Variants in PRDM16 observed in about 807,000 individuals in gnomAD.
PRDM16 encodes PR/SET domain 16.
PRDM16 carries 23 observed loss-of-function variants against 110.6 expected under a neutral mutation model. That is an observed-to-expected ratio of 0.21 (90% CI 0.15 to 0.29). The LOEUF (loss-of-function observed/expected upper bound fraction) is 0.29. Ranked by LOEUF, PRDM16 falls within the 10% of genes least tolerant of loss-of-function variation. The pLI, the probability that PRDM16 is intolerant of heterozygous loss-of-function variation, is 1.00. For synonymous variants in PRDM16, 799 were observed against 781.8 expected, an observed-to-expected ratio of 1.02 and a Z score of -0.37; for missense variants, 1,615 against 1,794.3, an observed-to-expected ratio of 0.90 and a Z score of 1.81.
intron 3 of PRDM16, among the ~76,000 whole-genome samples, chr1:3,298,630 A>G (rs72632171): frequency 0.02 from 3,023 of 152,080 alleles, 51 homozygotes; most frequent in Non-Finnish European, 0.031. Context: ...ACACCCTTCC[A>G]GTCTTAGCTA....
chr1:3,435,555 G>C lies in PRDM16; in HGVS notation c.*1744G>C. 1 of 232,180 alleles carries C rather than the reference G, an allele frequency of 4.3e-6. No individual in the cohort carries two copies. The highest frequency in any genetic ancestry group is 8.5e-6 in the Non-Finnish European group (1 of 117,462). The allele number at this position is 232,180 out of a possible 1,614,324, so 14.4% of individuals were successfully genotyped here. A position where few individuals can be genotyped will look rare whatever the true frequency, so the allele number is the denominator to read the frequency against. On this transcript the variant is annotated 3_prime_UTR_variant, in exon 17 of 17. Coordinates refer to ENST00000270722, the MANE Select transcript of PRDM16 (RefSeq NM_022114.4). Reference sequence around the variant, plus strand: ...TTGTTTGGAAGAAAAAATGATGATAGAGTCCCAAAAAGAAGAGAAAAAAAA... The same window carrying C: ...TTGTTTGGAAGAAAAAATGATGATACAGTCCCAAAAAGAAGAGAAAAAAAA...
At chr1:3,241,155 C>T (rs1275886430) in intron 2 of PRDM16, among the ~76,000 whole-genome samples, 2 of 152,256 alleles carry the variant, frequency 1.3e-5, no homozygotes, top group Admixed American at 6.5e-5. Context: ...GTGTTCCCAA[C>T]TGCCCAGGCG....
intron 3 of PRDM16, among the ~76,000 whole-genome samples, chr1:3,320,186 A>T (rs2100450098): frequency 6.6e-6 from 1 of 152,310 alleles, no homozygotes; most frequent in East Asian, 1.9e-4. Flanking sequence ...ACATGTGCCA[A>T]ATTATAAGAC....
At chr1:3,172,122 G>C (rs1644032591) in intron 1 of PRDM16, among the ~76,000 whole-genome samples, 1 of 152,192 alleles carries the variant, frequency 6.6e-6, no homozygotes, top group East Asian at 1.9e-4. Context: ...AATCAGGGTG[G>C]AGAAGGAGTT....
chr1:3,091,771 A>G (rs866234777), intron 1 of PRDM16, among the ~76,000 whole-genome samples: 5 of 152,258 alleles, frequency 3.3e-5, no homozygotes, highest in Middle Eastern at 3.4e-3. Flanking sequence ...CTCGGGGTGT[A>G]GCCAGCTGCT....
intron 3 of PRDM16, among the ~76,000 whole-genome samples, chr1:3,351,418 A>G (rs148942782): frequency 2.0e-5 from 3 of 150,744 alleles, no homozygotes; most frequent in Admixed American, 1.3e-4. Flanking sequence ...ACCCGTCTCT[A>G]TAGGAACGCA....
chr1:3,280,061 A>C lies in PRDM16; in HGVS notation c.438+35924A>C, dbSNP rs532728436. ...AAAACAAGCAGGGTGAAAAAAAAAA[A>C]ACATTTAAATAAGAAAGTCAGAATT... is the stretch of plus-strand genomic sequence containing the variant. On this transcript the variant is annotated intron_variant, in intron 3 of 16. Coordinates refer to ENST00000270722, the MANE Select transcript of PRDM16 (RefSeq NM_022114.4). Among the ~76,000 whole-genome samples the C allele has an allele frequency of 5.9e-5, 9 of 152,270 alleles. No homozygotes were observed. The South Asian group carries it at 1.7e-3, about 28-fold the overall frequency.
At chr1:3,271,052 TCC>T (rs566915994) in intron 3 of PRDM16, among the ~76,000 whole-genome samples, 112 of 152,250 alleles carry the variant, frequency 7.4e-4, no homozygotes, top group African/African-American at 2.6e-3. Flanking sequence ...CTCCTCCCAG[TCC>T]CGGCTGTGGC....
chr1:3,305,025 G>A (rs1194299521), intron 3 of PRDM16, among the ~76,000 whole-genome samples: 1 of 152,200 alleles, frequency 6.6e-6, no homozygotes, highest in Non-Finnish European at 1.5e-5. Flanking sequence ...CGAGTGAACT[G>A]TGTTGAGAAA....
At chr1:3,079,044 C>T (rs1001954700) in intron 1 of PRDM16, among the ~76,000 whole-genome samples, 2 of 152,240 alleles carry the variant, frequency 1.3e-5, no homozygotes, top group East Asian at 1.9e-4. Context: ...TGGCTGCGGT[C>T]CTCCCCGGGC....
intron 3 of PRDM16, among the ~76,000 whole-genome samples, chr1:3,321,293 CAT>C (rs1257240443): frequency 7.2e-5 from 11 of 152,098 alleles, no homozygotes; most frequent in East Asian, 1.9e-4. Flanking sequence ...TGGCAGTACA[CAT>C]ATGTGAGTGT....
intron 1 of PRDM16, among the ~76,000 whole-genome samples, chr1:3,135,174 G>T (rs1643411595): frequency 6.6e-6 from 1 of 152,192 alleles, no homozygotes; most frequent in South Asian, 2.1e-4. Flanking sequence ...GTCCAGCCTG[G>T]TCCCCACCAG....
intron 13 of PRDM16, 31 bp from the exon 14 acceptor site, chr1:3,426,020 G>A (rs1464899699): frequency 1.3e-6 from 2 of 1,594,772 alleles, no homozygotes; most frequent in African/African-American, 1.3e-5. Context: ...CCAGCGAGAG[G>A]CCGCCCCCTG....
chr1:3,430,766 T>G, intron 14 of PRDM16, 106 bp from the exon 15 acceptor site: 1 of 1,328,332 alleles, frequency 7.5e-7, no homozygotes, highest in Non-Finnish European at 1.1e-6. Flanking sequence ...GGGCTGAGTG[T>G]TGTCGGGGGA....
chr1:3,132,005 A>T (rs1463609993), intron 1 of PRDM16, among the ~76,000 whole-genome samples: 2 of 152,212 alleles, frequency 1.3e-5, no homozygotes, highest in Admixed American at 6.5e-5. Flanking sequence ...TAGTTTTTTT[A>T]AAAAACCCAA....
At chr1:3,188,409 C>T (rs963321897) in intron 2 of PRDM16, among the ~76,000 whole-genome samples, 2 of 152,286 alleles carry the variant, frequency 1.3e-5, no homozygotes, top group Admixed American at 1.3e-4. Context: ...ACCATGTCCG[C>T]GTGGTGCCAG....
In PRDM16 at chr1:3,436,644, C is replaced by G. The variant is rs1418471242; in HGVS notation, c.*2833C>G. ...AGCGAGCCTCGCCCTCCCAGTTTTG[C>G]TCTGCCCAGCAGTGTTGGTGCCCAG... On this transcript the variant is annotated 3_prime_UTR_variant, in exon 17 of 17. Transcript: ENST00000270722. 1.3e-5 allele frequency: 3 copies of G among 232,522 alleles called. No individual in the cohort carries two copies. The highest frequency in any genetic ancestry group is 1.8e-4 in the South Asian group (1 of 5,524). 14.4% of individuals were successfully genotyped at this position (232,522 alleles called of 1,614,324 possible).
chr1:3,355,977 G>A (rs7550526), intron 3 of PRDM16, among the ~76,000 whole-genome samples: 67,947 of 151,708 alleles, frequency 0.45, 16,519 homozygotes, highest in South Asian at 0.57. Context: ...ACTCCTCTGG[G>A]CACATCCTGA....
chr1:3,097,150 G>T (rs1462363863), intron 1 of PRDM16, among the ~76,000 whole-genome samples: 1 of 152,196 alleles, frequency 6.6e-6, no homozygotes, highest in East Asian at 1.9e-4. Flanking sequence ...CCAAGGTCAT[G>T]GGCAAGGTTA....
Sources: allele counts gnomAD v4.1 joint callset (sites outside exome capture counted in the v4.1 genomes callset), GRCh38; gene constraint gnomAD v4.1.1; transcripts MANE v1.5; gene names NCBI Gene and HGNC (gene_info 2026-07-23, HGNC 2026-07-21).